EYA4: variants seen among roughly 807,000 people sequenced by gnomAD.
EYA4 encodes the protein EYA transcriptional coactivator and phosphatase 4.
In EYA4, 31 loss-of-function variants were observed where a neutral mutation model predicts 87.9. The observed-to-expected ratio is 0.35, with a 90% CI of 0.27 to 0.48. The LOEUF (loss-of-function observed/expected upper bound fraction) is 0.48, where lower values mean the gene tolerates loss of function less well. EYA4 is among the 20% of genes least tolerant of loss of function. The pLI is 0.99. For missense variants in EYA4, 678 were observed against 761.4 expected, an observed-to-expected ratio of 0.89 and a Z score of 1.29; for synonymous variants, 263 against 270.6, an observed-to-expected ratio of 0.97 and a Z score of 0.28.
chr6:133,377,269 C>T (rs1168197007), intron 2 of EYA4, among the ~76,000 whole-genome samples: 1 of 152,054 alleles, frequency 6.6e-6, no homozygotes, highest in African/African-American at 2.4e-5. Context: ...TATCATTTTA[C>T]TCTCAATATC....
chr6:133,314,563 C>T (rs1780481065), intron 2 of EYA4, among the ~76,000 whole-genome samples: 1 of 152,060 alleles, frequency 6.6e-6, no homozygotes, highest in African/African-American at 2.4e-5. Flanking sequence ...TTATAGAAAG[C>T]ATTAATTCTC....
intron 10 of EYA4, among the ~76,000 whole-genome samples, chr6:133,467,150 T>A (rs986982574): frequency 1.3e-5 from 2 of 152,130 alleles, no homozygotes. Context: ...AGACATTATA[T>A]TCCCCAGTGG....
At chr6:133,395,166 G>A (rs867074522) in intron 3 of EYA4, among the ~76,000 whole-genome samples, 1 of 151,608 alleles carries the variant, frequency 6.6e-6, no homozygotes, top group African/African-American at 2.4e-5. Context: ...GGATAGATGA[G>A]GTTATCTAGA....
Position 133,461,148 on chromosome 6 carries a change from A to C in EYA4, c.405A>C (p.Ala135=). 6.2e-7 allele frequency: 1 copy of C among 1,613,338 alleles called. No individual in the cohort carries two copies. The change falls in exon 7 of 20, where the codon GCA becomes GCC. Residue 135 remains alanine (A), a synonymous_variant. Coordinates refer to ENST00000355286, the MANE Select transcript of EYA4 (RefSeq NM_004100.5). The part of the protein sequence containing the change: ...ITSSGYSPRS[A]HQYSPQLYPS... The stretch of plus-strand genomic sequence containing the variant: ...GTAGTGGCTACAGCCCCAGATCAGC[A>C]CATCAGTATTCCCCACAGCTGTATC...
At chr6:133,483,452 A>G (rs1796402131) in intron 13 of EYA4, among the ~76,000 whole-genome samples, 1 of 151,672 alleles carries the variant, frequency 6.6e-6, no homozygotes, top group South Asian at 2.1e-4. Context: ...TCCCCAATAA[A>G]AGAGCTTTAA....
chr6:133,375,031 C>G (rs1474664147), intron 2 of EYA4, among the ~76,000 whole-genome samples: 6 of 151,896 alleles, frequency 4.0e-5, no homozygotes. Context: ...TTGGTGACAA[C>G]TTTTGTGTTG....
chr6:133,254,633 T>C (rs1238038973), intron 1 of EYA4, among the ~76,000 whole-genome samples: 2 of 152,328 alleles, frequency 1.3e-5, no homozygotes, highest in African/African-American at 4.8e-5. Context: ...TGTGGTTTTA[T>C]TTTCTTGTAT....
intron 5 of EYA4, among the ~76,000 whole-genome samples, chr6:133,451,165 G>C (rs745492652): frequency 6.6e-6 from 1 of 152,118 alleles, no homozygotes. Flanking sequence ...ACAAATTAAC[G>C]TGATTGTATT....
At chr6:133,474,274 G>A (rs1258073992) in intron 11 of EYA4, among the ~76,000 whole-genome samples, 4 of 151,990 alleles carry the variant, frequency 2.6e-5, no homozygotes, top group Non-Finnish European at 5.9e-5. Flanking sequence ...TGTTGCTTTT[G>A]CTCCAATTTC....
At chr6:133,376,802 T>A (rs1420389956) in intron 2 of EYA4, among the ~76,000 whole-genome samples, 12 of 152,068 alleles carry the variant, frequency 7.9e-5, no homozygotes, top group Admixed American at 6.6e-4. Flanking sequence ...AAGTATTAAT[T>A]ATTCTCAATA....
chr6:133,299,694 A>G (rs886987715), intron 2 of EYA4, among the ~76,000 whole-genome samples: 4 of 150,998 alleles, frequency 2.6e-5, no homozygotes, highest in African/African-American at 7.4e-5. Flanking sequence ...CCTGGGCAAC[A>G]GAGTGAGACT....
At chr6:133,383,070 A>G (rs966467091) in intron 3 of EYA4, among the ~76,000 whole-genome samples, 2 of 152,232 alleles carry the variant, frequency 1.3e-5, no homozygotes, top group African/African-American at 2.4e-5. Context: ...GCAATTTTGA[A>G]TGGATAAGTA....
intron 5 of EYA4, among the ~76,000 whole-genome samples, chr6:133,454,203 C>T (rs919921108): frequency 1.3e-5 from 2 of 152,006 alleles, no homozygotes; most frequent in African/African-American, 2.4e-5. Context: ...AAATATTGTT[C>T]GTAGATATAG....
In EYA4 at chr6:133,350,664, A is replaced by G. The variant is rs937552774; in HGVS notation, c.34-31728A>G. Among the ~76,000 whole-genome samples, 11 of 152,040 alleles carry G rather than the reference A, an allele frequency of 7.2e-5. 1 individual carries two copies. Among genetic ancestry groups the G allele is most frequent in the African/African-American group, 2.4e-4 (10 of 41,318 alleles). On this transcript the variant is annotated intron_variant, in intron 2 of 19. Coordinates refer to ENST00000355286, the MANE Select transcript of EYA4 (RefSeq NM_004100.5). Reference sequence around the variant, plus strand: ...TAGGGAAGTTGGCCCCTGTGGCTCTATTCTTTGTCGTTTGCTCTCTGTATC... The same window carrying G: ...TAGGGAAGTTGGCCCCTGTGGCTCTGTTCTTTGTCGTTTGCTCTCTGTATC...
In EYA4 at chr6:133,454,961, A is replaced by G. The variant is rs184921600; in HGVS notation, c.278-1595A>G. On this transcript the variant is annotated intron_variant, in intron 5 of 19. Transcript: ENST00000355286. ...AAACCTGAGTTCAAATCTTAGCTCT[A>G]CCGTCTCCTGCACTGGAACTTATGC... 2.0e-4 allele frequency among the ~76,000 whole-genome samples: 30 copies of G among 152,222 alleles called. No homozygotes were observed. The East Asian group carries it at 5.8e-3, about 30-fold the overall frequency.
In EYA4 at chr6:133,254,263, C is replaced by T. The variant is rs553250782; in HGVS notation, c.-66+12514C>T. ...CTCTTTGGTTGCCTTCTGCTAAGAT[C>T]GATTTCATGTTATTTTGAAGAATTT... On this transcript the variant is annotated intron_variant, in intron 1 of 19. Transcript: ENST00000355286. Among the ~76,000 whole-genome samples, 4 of 152,128 alleles carry T rather than the reference C, an allele frequency of 2.6e-5. No individual in the cohort carries two copies. The South Asian group carries it at 8.3e-4, about 32-fold the overall frequency.
chr6:133,245,667 G>A (rs1055319234), intron 1 of EYA4, among the ~76,000 whole-genome samples: 1 of 152,190 alleles, frequency 6.6e-6, no homozygotes. Flanking sequence ...GTGTAATGCT[G>A]CATCTTATAG....
rs1211095705 is a variant in EYA4 at position 133,529,206 on chromosome 6, CT to C, written c.*404del. On this transcript the variant is annotated 3_prime_UTR_variant, in exon 20 of 20. Transcript: ENST00000355286. The stretch of plus-strand genomic sequence containing the variant: ...TCTCAGCCCTGAGGTTTGAATCTGA[CT>C]TTAGCCTACCTAACCCAGAAAATCT... The C allele has an allele frequency of 7.5e-4, 862 of 1,144,630 alleles. 7 individuals carry two copies. In the African/African-American group the frequency reaches 0.012, roughly 16 times the overall value. The allele number at this position is 1,144,630 out of a possible 1,614,324, so 70.9% of individuals were successfully genotyped here.
intron 3 of EYA4, among the ~76,000 whole-genome samples, chr6:133,427,350 T>A (rs1288279955): frequency 1.3e-5 from 2 of 152,212 alleles, no homozygotes; most frequent in Admixed American, 1.3e-4. Flanking sequence ...TAGTCAATCA[T>A]GTTATCTGGA....
Sources: gnomAD v4.1 joint callset for allele counts (sites outside exome capture counted in the v4.1 genomes callset) on GRCh38, gnomAD v4.1.1 for gene constraint, MANE v1.5 for transcripts, NCBI Gene and HGNC (gene_info 2026-07-23, HGNC 2026-07-21) for gene names.